Variants in SGCZ observed in about 807,000 individuals in gnomAD.
SGCZ encodes zeta-sarcoglycan.
Under a neutral mutation model 41.3 loss-of-function variants are expected in SGCZ, and 40 were observed. That is an observed-to-expected ratio of 0.97 (90% CI 0.75 to 1.26). The LOEUF is 1.26. SGCZ is among the 50% of genes most tolerant of loss of function. The probability of loss-of-function intolerance (pLI) is 0.00; values close to 1 mark genes in which losing one functional copy is unlikely to be tolerated. For missense variants in SGCZ, 552 were observed against 369.8 expected (o/e 1.49, Z -4.04); for synonymous variants, 206 against 137.5 (o/e 1.50, Z -3.49).
At chr8:14,432,643 T>C (rs537184562) in intron 2 of SGCZ, among the ~76,000 whole-genome samples, 47 of 152,164 alleles carry the variant, frequency 3.1e-4, no homozygotes, top group African/African-American at 9.1e-4. Flanking sequence ...GCAGGGCGCA[T>C]TGGCTCACGC....
At chr8:15,023,403 T>A (rs1402081200) in intron 1 of SGCZ, among the ~76,000 whole-genome samples, 1 of 152,142 alleles carries the variant, frequency 6.6e-6, no homozygotes, top group Non-Finnish European at 1.5e-5. Context: ...GACAACAAGA[T>A]GCAAAGACTC....
At chr8:15,091,737 G>T (rs1806159854) in intron 1 of SGCZ, among the ~76,000 whole-genome samples, 1 of 151,986 alleles carries the variant, frequency 6.6e-6, no homozygotes, top group South Asian at 2.1e-4. Context: ...TCAATAAGAG[G>T]ACTCCTAATT....
chr8:14,795,033 G>C (rs1266426925), intron 1 of SGCZ, among the ~76,000 whole-genome samples: 1 of 152,126 alleles, frequency 6.6e-6, no homozygotes, highest in Non-Finnish European at 1.5e-5. Flanking sequence ...ATCAAATGGA[G>C]GATATGGTTT....
intron 1 of SGCZ, among the ~76,000 whole-genome samples, chr8:15,143,425 A>G (rs190286280): frequency 2.0e-5 from 3 of 152,370 alleles, no homozygotes; most frequent in African/African-American, 4.8e-5. Flanking sequence ...CTCACAGGAA[A>G]AAAAATGAAA....
chr8:14,124,376 T>G (rs775697188), intron 5 of SGCZ, among the ~76,000 whole-genome samples: 3 of 152,264 alleles, frequency 2.0e-5, no homozygotes, highest in African/African-American at 7.2e-5. Context: ...ATCCAACTTA[T>G]GTGAAACACA....
rs578003555 is a variant in SGCZ at position 14,852,036 on chromosome 8, C to A, written c.40-297110G>T. On this transcript the variant is annotated intron_variant, in intron 1 of 7. Transcript: ENST00000382080. The stretch of plus-strand genomic sequence containing the variant: ...CAAACTTTAGCAATCAACTTGTCCC[C>A]TCAGGTTAAAGATTCCATTGTTTTC... Among the ~76,000 whole-genome samples, 29 of 152,218 alleles carry A rather than the reference C, an allele frequency of 1.9e-4. No homozygotes were observed. The South Asian group carries it at 5.6e-3, about 29-fold the overall frequency.
intron 1 of SGCZ, among the ~76,000 whole-genome samples, chr8:14,828,663 G>A (rs2130592696): frequency 6.6e-6 from 1 of 152,288 alleles, no homozygotes; most frequent in East Asian, 1.9e-4. Flanking sequence ...CAGTCAAGAG[G>A]AAGGGTCATG....
chr8:14,507,658 A>T (rs765961213), intron 2 of SGCZ, among the ~76,000 whole-genome samples: 3 of 151,922 alleles, frequency 2.0e-5, no homozygotes, highest in Admixed American at 6.6e-5. Flanking sequence ...TTCTTTGTCG[A>T]TGTACTTTCT....
At chr8:14,460,174 C>T (rs945123050) in intron 2 of SGCZ, among the ~76,000 whole-genome samples, 1 of 152,134 alleles carries the variant, frequency 6.6e-6, no homozygotes, top group Non-Finnish European at 1.5e-5. Flanking sequence ...AACTTTGCAA[C>T]TTTTCTGTAA....
At chr8:14,777,667 A>G (rs188847864) in intron 1 of SGCZ, among the ~76,000 whole-genome samples, 2 of 152,292 alleles carry the variant, frequency 1.3e-5, no homozygotes, top group Non-Finnish European at 2.9e-5. Context: ...AAGTATTTAG[A>G]GGACATGATG....
chr8:14,608,687 G>T (rs374132813), intron 1 of SGCZ, among the ~76,000 whole-genome samples: 1 of 150,284 alleles, frequency 6.7e-6, no homozygotes, highest in Non-Finnish European at 1.5e-5. Flanking sequence ...CATGGGGGTG[G>T]ATTCCTCATA....
chr8:14,782,262 ACT>A (rs1404084890), intron 1 of SGCZ, among the ~76,000 whole-genome samples: 1 of 152,056 alleles, frequency 6.6e-6, no homozygotes, highest in African/African-American at 2.4e-5. Flanking sequence ...TTGAGTAAAA[ACT>A]CTGTCATTTT....
At chr8:15,077,133 T>C (rs999278671) in intron 1 of SGCZ, among the ~76,000 whole-genome samples, 3 of 152,178 alleles carry the variant, frequency 2.0e-5, no homozygotes, top group Non-Finnish European at 2.9e-5. Flanking sequence ...TTTTCATGAA[T>C]AACAGAAAAA....
intron 2 of SGCZ, among the ~76,000 whole-genome samples, chr8:14,451,387 T>C (rs1488936494): frequency 6.6e-6 from 1 of 152,170 alleles, no homozygotes; most frequent in African/African-American, 2.4e-5. Flanking sequence ...CAGGGTACAG[T>C]GTTACTGAGT....
At chr8:14,190,132 C>T (rs1805048289) in intron 4 of SGCZ, among the ~76,000 whole-genome samples, 1 of 151,304 alleles carries the variant, frequency 6.6e-6, no homozygotes, top group South Asian at 2.1e-4. Context: ...CCTGCCTCAG[C>T]CTCCTGAGTA....
chr8:14,640,068 C>T (rs1039280250), intron 1 of SGCZ, among the ~76,000 whole-genome samples: 2 of 151,644 alleles, frequency 1.3e-5, no homozygotes, highest in Non-Finnish European at 3.0e-5. Context: ...TCTTCTATTA[C>T]AATGATAACA....
intron 2 of SGCZ, among the ~76,000 whole-genome samples, chr8:14,510,300 G>C (rs1234797930): frequency 4.6e-5 from 7 of 152,088 alleles, no homozygotes; most frequent in Admixed American, 1.3e-4. Flanking sequence ...TGAAGTTGTA[G>C]TTCAAGTTCT....
chr8:14,596,418 T>C (rs1470050748), intron 1 of SGCZ, among the ~76,000 whole-genome samples: 1 of 152,238 alleles, frequency 6.6e-6, no homozygotes, highest in African/African-American at 2.4e-5. Context: ...AAAAATCATT[T>C]AAACATTTAA....
chr8:15,000,110 G>T (rs1366224653), intron 1 of SGCZ, among the ~76,000 whole-genome samples: 1 of 152,110 alleles, frequency 6.6e-6, no homozygotes, highest in Non-Finnish European at 1.5e-5. Context: ...ACCCAAAGAG[G>T]CACCAGGGGT....
Sources: allele counts gnomAD v4.1 joint callset (sites outside exome capture counted in the v4.1 genomes callset), GRCh38; gene constraint gnomAD v4.1.1; transcripts MANE v1.5; gene names NCBI Gene and HGNC (gene_info 2026-07-23, HGNC 2026-07-21).